Variants in BTBD2 observed in about 807,000 individuals in gnomAD.
BTBD2 encodes BTB domain containing 2, also known as BTB/POZ domain-containing protein 2.
In BTBD2, 15 loss-of-function variants were observed where a neutral mutation model predicts 44.0. The observed-to-expected ratio is 0.34, with a 90% CI of 0.23 to 0.53. BTBD2 has a LOEUF of 0.53. Ranked by LOEUF, BTBD2 falls within the 20% of genes least tolerant of loss-of-function variation. The probability of loss-of-function intolerance (pLI) is 0.95; values close to 1 mark genes in which losing one functional copy is unlikely to be tolerated. For missense variants in BTBD2, 657 were observed against 746.4 expected, an observed-to-expected ratio of 0.88 and a Z score of 1.39; for synonymous variants, 443 against 335.9, an observed-to-expected ratio of 1.32 and a Z score of -3.49.
chr19:1,989,949 C>T (rs940960576), intron 5 of BTBD2, 55 bp downstream of exon 5: 55 of 1,589,562 alleles, frequency 3.5e-5, no homozygotes, highest in Non-Finnish European at 4.6e-5. Flanking sequence ...TACCCAGATG[C>T]CCACCTGTGT....
intron 2 of BTBD2, among the ~76,000 whole-genome samples, chr19:1,996,478 C>A (rs1374362747): frequency 7.2e-6 from 1 of 139,058 alleles, no homozygotes; most frequent in Non-Finnish European, 1.5e-5. Flanking sequence ...CTGATGTTTC[C>A]TTTTTTTTGT....
At position 2,015,360 on chromosome 19, in the gene BTBD2, A is replaced by T; in HGVS notation, c.344T>A (p.Val115Glu). ...ERFAFLFNNE[V>E]LCDVHFLVGK... ...CACCAGGAAGTGCACGTCGCACAGCACCTCGTTGTTGAAGAGGAAGGCGAA... is the reference window on the plus strand; with the variant it reads ...CACCAGGAAGTGCACGTCGCACAGCTCCTCGTTGTTGAAGAGGAAGGCGAA... The change falls in exon 1 of 9, where the codon GTG becomes GAG. Residue 115 changes from valine (V) to glutamate (E), a missense_variant. Coordinates refer to ENST00000255608, the MANE Select transcript of BTBD2 (RefSeq NM_017797.4). The T allele has an allele frequency of 6.3e-7, 1 of 1,584,886 alleles. No homozygotes were observed. Among genetic ancestry groups the T allele is most frequent in the Non-Finnish European group, 8.5e-7 (1 of 1,172,930 alleles).
chr19:1,993,264 C>G (rs895174538), intron 2 of BTBD2, 88 bp from the exon 3 acceptor site: 27 of 1,461,706 alleles, frequency 1.8e-5, no homozygotes, highest in Middle Eastern at 1.8e-4. Flanking sequence ...GACCGTTAGA[C>G]TCGGCCACCG....
intron 5 of BTBD2, chr19:1,989,261 G>C (rs2145619588): frequency 6.6e-6 from 1 of 152,668 alleles, no homozygotes; most frequent in Middle Eastern, 3.4e-3. Context: ...GTGTGGTGGT[G>C]GCACCTGTGA....
At chr19:2,006,824 G>A (rs1010690901) in intron 1 of BTBD2, among the ~76,000 whole-genome samples, 4 of 152,002 alleles carry the variant, frequency 2.6e-5, no homozygotes, top group African/African-American at 9.7e-5. Context: ...ACGTAGCTGG[G>A]ATTACAGGTG....
chr19:1,996,489 TGTTGTTGTTA>T, intron 2 of BTBD2, among the ~76,000 whole-genome samples: 1 of 149,280 alleles, frequency 6.7e-6, no homozygotes. Flanking sequence ...TTTTTTTTGT[TGTTGTTGTTA>T]TTTTTTGTTT....
At chr19:2,011,820 CTG>C (rs566595216) in intron 1 of BTBD2, among the ~76,000 whole-genome samples, 255 of 152,216 alleles carry the variant, frequency 1.7e-3, no homozygotes, top group African/African-American at 6.0e-3. Flanking sequence ...GCCACCTCCA[CTG>C]TGTGAACAGC....
At chr19:1,988,131 C>T (rs1208394517) in intron 5 of BTBD2, 1 of 165,974 alleles carries the variant, frequency 6.0e-6, no homozygotes, top group African/African-American at 2.4e-5. Flanking sequence ...TAGAAGCAGT[C>T]TGGGGGTTCC....
chr19:2,015,714 CGGCGTG>C, upstream of BTBD2: 2 of 793,676 alleles, frequency 2.5e-6, no homozygotes, highest in Non-Finnish European at 2.9e-6. Context: ...TTTGTGGCTG[CGGCGTG>C]GGCGGGGGAG....
At chr19:1,999,696 C>G (rs1034885503) in intron 1 of BTBD2, among the ~76,000 whole-genome samples, 3 of 151,398 alleles carry the variant, frequency 2.0e-5, no homozygotes, top group Admixed American at 2.0e-4. Flanking sequence ...TGCAGTGGCT[C>G]ACGCCTGTAA....
rs1279055658 is a variant in BTBD2 at position 1,990,832 on chromosome 19, G to C, written c.685-10C>G. The C allele has an allele frequency of 6.5e-7, 1 of 1,549,736 alleles. No homozygotes were observed. The highest frequency in any genetic ancestry group is 1.9e-5 in the Admixed American group (1 of 51,582). On this transcript the variant is annotated splice_polypyrimidine_tract_variant and intron_variant, in intron 3 of 8. Transcript: ENST00000255608. Reference sequence around the variant, plus strand: ...CATCGAAGAGTCGCGCCTGGCAAGAGACATCGACGGGGGGCGCGGTGGGGA... The same window carrying C: ...CATCGAAGAGTCGCGCCTGGCAAGACACATCGACGGGGGGCGCGGTGGGGA...
At chr19:1,995,935 G>A (rs561902715) in intron 2 of BTBD2, among the ~76,000 whole-genome samples, 16 of 152,172 alleles carry the variant, frequency 1.1e-4, no homozygotes, top group East Asian at 3.9e-4. Flanking sequence ...GATTACAGGC[G>A]TGAGCCACCG....
intron 1 of BTBD2, chr19:2,013,690 C>G: frequency 2.0e-6 from 2 of 984,256 alleles, no homozygotes; most frequent in South Asian, 4.7e-5. Context: ...AGTCTATGAT[C>G]TGGACTGCAG....
At chr19:1,993,228 A>AG (rs761742345) in intron 2 of BTBD2, 52 bp from the exon 3 acceptor site, 1 of 1,556,794 alleles carries the variant, frequency 6.4e-7, no homozygotes, top group African/African-American at 1.4e-5. Flanking sequence ...GCCCGCCCCC[A>AG]GGGGAGAGCG....
intron 1 of BTBD2, chr19:2,013,925 G>A (rs1425451182): frequency 6.6e-6 from 1 of 151,018 alleles, no homozygotes; most frequent in Admixed American, 6.6e-5. Flanking sequence ...TCATGGGTGG[G>A]GGTGGAGGAA....
At chr19:1,991,138 CG>C (rs961431679) in intron 3 of BTBD2, 2 of 268,402 alleles carry the variant, frequency 7.5e-6, no homozygotes, top group Admixed American at 5.1e-5. Flanking sequence ...CAGCTGCACT[CG>C]GGGGGCAGCA....
chr19:2,011,694 C>G (rs527451270), intron 1 of BTBD2, among the ~76,000 whole-genome samples: 9 of 152,120 alleles, frequency 5.9e-5, no homozygotes, highest in African/African-American at 1.2e-4. Flanking sequence ...GCTGCCCCAA[C>G]GGTGCCGGCC....
At chr19:1,999,075 G>A (rs1599354648) in intron 1 of BTBD2, among the ~76,000 whole-genome samples, 1 of 152,186 alleles carries the variant, frequency 6.6e-6, no homozygotes, top group Non-Finnish European at 1.5e-5. Flanking sequence ...CCTCCACACA[G>A]CTCCCGGGAA....
chr19:2,006,434 G>A (rs1336989953), intron 1 of BTBD2, among the ~76,000 whole-genome samples: 1 of 150,854 alleles, frequency 6.6e-6, no homozygotes, highest in Non-Finnish European at 1.5e-5. Context: ...TTGAACCCAG[G>A]AAGCGGAGCT....
Sources: allele counts gnomAD v4.1 joint callset (sites outside exome capture counted in the v4.1 genomes callset), GRCh38; gene constraint gnomAD v4.1.1; transcripts MANE v1.5; gene names NCBI Gene and HGNC (gene_info 2026-07-23, HGNC 2026-07-21).